The following STAT1 variants were observed in gnomAD, a reference collection of about 807,000 sequenced individuals.
STAT1 encodes signal transducer and activator of transcription 1.
STAT1 carries 24 observed loss-of-function variants against 111.7 expected under a neutral mutation model. That is an observed-to-expected ratio of 0.21 (90% CI 0.16 to 0.30). STAT1 has a LOEUF of 0.30. Among genes scored for constraint, STAT1 ranks in the 10% least tolerant of loss-of-function variants. The pLI is 1.00. For synonymous variants in STAT1, 332 were observed against 326.5 expected, an observed-to-expected ratio of 1.02 and a Z score of -0.18; for missense variants, 351 against 911.9, an observed-to-expected ratio of 0.38 and a Z score of 7.92.
rs763453358 is a variant in STAT1, at chr2:190,989,694, C to G, written c.1038-20G>C. 1 of 1,570,720 alleles carries G rather than the reference C, an allele frequency of 6.4e-7. No homozygotes were observed. The highest frequency in any genetic ancestry group is 1.4e-5 in the African/African-American group (1 of 73,496). ...AACAGTCTGGAAAGAAAAATAAAAG[C>G]CATTACTTAAAAAAAATTATCTGTT... On this transcript the variant is annotated intron_variant, in intron 11 of 24. Coordinates refer to ENST00000361099, the MANE Select transcript of STAT1 (RefSeq NM_007315.4). The surrounding 1 kb of genome is among the most constrained non-coding windows in gnomAD (Gnocchi z 5.0).
rs1423501499 is a variant in STAT1 at position 190,984,342 on chromosome 2, A to G, written c.1315T>C (p.Leu439=). The change falls in exon 16 of 25, where the codon TTG becomes CTG. Residue 439 remains leucine (L), a synonymous_variant. Transcript: ENST00000361099. This position sits in a 1 kb window ranked among gnomAD's most constrained non-coding sequence, Gnocchi z 5.2. ...TCAATTACCAAACCAGGCTGGCACA[A>G]TTGGGTTTCAAAACTAAGGGAGTGA... ...ELHSLSFETQ[L]CQPGLVIDLE... The G allele has an allele frequency of 6.2e-7, 1 of 1,614,038 alleles. No individual in the cohort carries two copies. The highest frequency in any genetic ancestry group is 8.5e-7 in the Non-Finnish European group (1 of 1,179,998).
At position 190,974,781 on chromosome 2, in the gene STAT1, A is replaced by G; in HGVS notation, c.2238+49T>C. 1 of 1,522,818 alleles carries G rather than the reference A, an allele frequency of 6.6e-7. No individual in the cohort carries two copies. Among genetic ancestry groups the G allele is most frequent in the East Asian group, 2.3e-5 (1 of 44,444 alleles). 94.3% of individuals were successfully genotyped at this position (1,522,818 alleles called of 1,614,324 possible). On this transcript the variant is annotated intron_variant, in intron 24 of 24. Transcript: ENST00000361099. This position sits in a 1 kb window ranked among gnomAD's most constrained non-coding sequence, Gnocchi z 4.8. ...TGCCATGGTGCGCTCCCTGCCTCTG[A>G]GCACACACACTTATTGAGAGCTACA...
At chr2:191,013,173 A>G (rs1695273581) in intron 2 of STAT1, among the ~76,000 whole-genome samples, 1 of 152,260 alleles carries the variant, frequency 6.6e-6, no homozygotes, top group South Asian at 2.1e-4. Context: ...AAAGCAAACC[A>G]TATTATGATC....
rs2125006029 is a variant in STAT1 at position 190,978,611 on chromosome 2, T to C, written c.1873+245A>G. 1.8e-6 allele frequency: 1 copy of C among 565,790 alleles called. No individual in the cohort carries two copies. The highest frequency in any genetic ancestry group is 3.2e-6 in the Non-Finnish European group (1 of 313,064). The allele number at this position is 565,790 out of a possible 1,614,324, so 35.0% of individuals were successfully genotyped here. A position where few individuals can be genotyped will look rare whatever the true frequency, so the allele number is the denominator to read the frequency against. On this transcript the variant is annotated intron_variant, in intron 21 of 24. Coordinates refer to ENST00000361099, the MANE Select transcript of STAT1 (RefSeq NM_007315.4). This position sits in a 1 kb window ranked among gnomAD's most constrained non-coding sequence, Gnocchi z 6.1. ...CTTGATCTGCAGATAACAAACCTGA[T>C]GCAAAGGAAAGAATTGGCATTGTCT... is the stretch of plus-strand genomic sequence containing the variant.
rs779135396 is a variant in STAT1 at position 190,997,830 on chromosome 2, C to G, written c.785+26G>C. On this transcript the variant is annotated intron_variant, in intron 9 of 24. Transcript: ENST00000361099. The surrounding 1 kb of genome is among the most constrained non-coding windows in gnomAD (Gnocchi z 7.3). ...TTTATGTGGTTAGCCAGTCAGCTGC[C>G]AGTTTTCTGCTTTGGAGAATCTTAC... The G allele has an allele frequency of 7.2e-5, 116 of 1,613,892 alleles. No individual in the cohort carries two copies. The highest frequency in any genetic ancestry group is 9.2e-5 in the Non-Finnish European group (108 of 1,180,034).
At position 190,979,792 on chromosome 2, in the gene STAT1, C is replaced by T. The variant is rs199668489; in HGVS notation, c.1707G>A (p.Leu569=). 7.7e-5 allele frequency: 125 copies of T among 1,613,518 alleles called. 2 individuals carry two copies. In the East Asian group the frequency reaches 2.6e-3, roughly 34 times the overall value. Residue 569 remains leucine, a synonymous_variant, in exon 20 of 25, where the codon CTG becomes CTA. Transcript: ENST00000361099. This position sits in a 1 kb window ranked among gnomAD's most constrained non-coding sequence, Gnocchi z 5.8. ...ESILELIKKH[L]LPLWNDGCIM... The stretch of plus-strand genomic sequence containing the variant: ...CTTACCCATCATTCCAGAGAGGGAG[C>T]AGGTGTTTTTTAATGAGTTCTAGGA...
chr2:190,998,649 G>A lies in STAT1; in HGVS notation c.542-341C>T, dbSNP rs566670109. Among the ~76,000 whole-genome samples, 4 of 148,560 alleles carry A rather than the reference G, an allele frequency of 2.7e-5. No individual in the cohort carries two copies. The highest frequency in any genetic ancestry group is 5.0e-5 in the African/African-American group (2 of 40,312). On this transcript the variant is annotated intron_variant, in intron 7 of 24. Transcript: ENST00000361099. The surrounding 1 kb of genome is among the most constrained non-coding windows in gnomAD (Gnocchi z 4.1). ...TGCACTCTAGCCTGGGCGACAGAGC[G>A]AGACTCCGTCTCCAAAAAAAAACAA... is the stretch of plus-strand genomic sequence containing the variant.
intron 2 of STAT1, among the ~76,000 whole-genome samples, chr2:191,011,924 A>T (rs756985882): frequency 1.3e-5 from 2 of 151,656 alleles, no homozygotes; most frequent in Non-Finnish European, 2.9e-5. Flanking sequence ...CTAATTTTTA[A>T]ATTTTCTGTA....
chr2:190,999,092 G>A lies in STAT1; in HGVS notation c.541+534C>T, dbSNP rs1047268136. 2.0e-5 allele frequency among the ~76,000 whole-genome samples: 3 copies of A among 152,058 alleles called. No homozygotes were observed. The highest frequency in any genetic ancestry group is 6.6e-5 in the Admixed American group (1 of 15,260). ...CTGTTGCTACTCTCATTAAAAACAC[G>A]CAACAGTAAGAAAATACAGTAAAAC... On this transcript the variant is annotated intron_variant, in intron 7 of 24. Transcript: ENST00000361099. This position sits in a 1 kb window ranked among gnomAD's most constrained non-coding sequence, Gnocchi z 4.1.
chr2:190,997,721 G>T lies in STAT1; in HGVS notation c.785+135C>A. 7.4e-7 allele frequency: 1 copy of T among 1,352,940 alleles called. No homozygotes were observed. Among genetic ancestry groups the T allele is most frequent in the Non-Finnish European group, 1.0e-6 (1 of 969,630 alleles). 83.8% of individuals were successfully genotyped at this position (1,352,940 alleles called of 1,614,324 possible). A position where few individuals can be genotyped will look rare whatever the true frequency, so the allele number is the denominator to read the frequency against. On this transcript the variant is annotated intron_variant, in intron 9 of 24. Transcript: ENST00000361099. This position sits in a 1 kb window ranked among gnomAD's most constrained non-coding sequence, Gnocchi z 7.3. Reference sequence around the variant, plus strand: ...TTCCAAGGGAGTGTTTCCAGGGTAAGCAGAAGCTGGACTATGTCAAACTCT... The same window carrying T: ...TTCCAAGGGAGTGTTTCCAGGGTAATCAGAAGCTGGACTATGTCAAACTCT...
Position 191,007,447 on chromosome 2 carries a change from G to T in STAT1, c.372+116C>A. 1 of 771,568 alleles carries T rather than the reference G, an allele frequency of 1.3e-6. No homozygotes were observed. 47.8% of individuals were successfully genotyped at this position (771,568 alleles called of 1,614,324 possible). ...CTAAATCTGATTCTCCCACTTCTTG[G>T]GGCTATAAAATTAGAGAGATATTCA... On this transcript the variant is annotated intron_variant, in intron 5 of 24. Transcript: ENST00000361099. This position sits in a 1 kb window ranked among gnomAD's most constrained non-coding sequence, Gnocchi z 4.2.
chr2:190,977,110 G>T lies in STAT1; in HGVS notation c.1874-85C>A. On this transcript the variant is annotated intron_variant, in intron 21 of 24. Coordinates refer to ENST00000361099, the MANE Select transcript of STAT1 (RefSeq NM_007315.4). This position sits in a 1 kb window ranked among gnomAD's most constrained non-coding sequence, Gnocchi z 4.7. ...GAAATAAAACACTGCAGAGTTGATGGATTTGAGTGAACCTCATAAGAACTA... is the reference window on the plus strand; with the variant it reads ...GAAATAAAACACTGCAGAGTTGATGTATTTGAGTGAACCTCATAAGAACTA... 2 of 1,342,154 alleles carry T rather than the reference G, an allele frequency of 1.5e-6. No individual in the cohort carries two copies. Among genetic ancestry groups the T allele is most frequent in the Non-Finnish European group, 2.1e-6 (2 of 937,772 alleles). 83.1% of individuals were successfully genotyped at this position (1,342,154 alleles called of 1,614,324 possible).
rs2125001398 is a variant in STAT1, at chr2:190,977,179, T to G, written c.1874-154A>C. Among the ~76,000 whole-genome samples, 1 of 152,350 alleles carries G rather than the reference T, an allele frequency of 6.6e-6. No individual in the cohort carries two copies. The highest frequency in any genetic ancestry group is 2.1e-4 in the South Asian group (1 of 4,832). On this transcript the variant is annotated intron_variant, in intron 21 of 24. Coordinates refer to ENST00000361099, the MANE Select transcript of STAT1 (RefSeq NM_007315.4). The surrounding 1 kb of genome is among the most constrained non-coding windows in gnomAD (Gnocchi z 4.7). ...TAACATATACAGTAGACTGCTTTAT[T>G]TCTAAATAAATTATAATACTGTCTC...
intron 24 of STAT1, among the ~76,000 whole-genome samples, chr2:190,972,718 T>C (rs1011153747): frequency 1.3e-5 from 2 of 151,556 alleles, no homozygotes; most frequent in Non-Finnish European, 2.9e-5. Context: ...TTATGAACTC[T>C]TTTTCTTTTC....
rs184094811 is a variant in STAT1, at chr2:191,007,993, A to G, written c.274-332T>C. 1.1e-5 allele frequency: 5 copies of G among 469,522 alleles called. No homozygotes were observed. In the Admixed American group the frequency reaches 1.2e-4, roughly 11 times the overall value. 29.1% of individuals were successfully genotyped at this position (469,522 alleles called of 1,614,324 possible). On this transcript the variant is annotated intron_variant, in intron 4 of 24. Coordinates refer to ENST00000361099, the MANE Select transcript of STAT1 (RefSeq NM_007315.4). This position sits in a 1 kb window ranked among gnomAD's most constrained non-coding sequence, Gnocchi z 4.2. ...TGGTTAGGATCCCGAGACAATGCAA[A>G]TGATATAAAAACTATACATGACATT...
At position 190,995,327 on chromosome 2, in the gene STAT1, A is replaced by G. The variant is rs41364950; in HGVS notation, c.786-108T>C. On this transcript the variant is annotated intron_variant, in intron 9 of 24. Coordinates refer to ENST00000361099, the MANE Select transcript of STAT1 (RefSeq NM_007315.4). The surrounding 1 kb of genome is among the most constrained non-coding windows in gnomAD (Gnocchi z 4.2). ...CCATTCTCATGCTGCTAATAAAGAC[A>G]TACTCGAGACTGGAGAATTTATAAA... 1,061 of 1,130,212 alleles carry G rather than the reference A, an allele frequency of 9.4e-4. 14 individuals are homozygous for G. In the African/African-American group the frequency reaches 0.014, roughly 15 times the overall value. The allele number at this position is 1,130,212 out of a possible 1,614,324, so 70.0% of individuals were successfully genotyped here. A position where few individuals can be genotyped will look rare whatever the true frequency, so the allele number is the denominator to read the frequency against.
In STAT1 at chr2:190,997,428, C is replaced by T. The variant is rs1013418180; in HGVS notation, c.785+428G>A. On this transcript the variant is annotated intron_variant, in intron 9 of 24. Transcript: ENST00000361099. The surrounding 1 kb of genome is among the most constrained non-coding windows in gnomAD (Gnocchi z 7.3). ...ATCACTCATCCTTGTGTGCCCAGGT[C>T]CTACAGTGCCCGGCACACAGTAGGC... Among the ~76,000 whole-genome samples the T allele has an allele frequency of 5.9e-5, 9 of 152,324 alleles. No homozygotes were observed. The East Asian group carries it at 1.4e-3, about 23-fold the overall frequency.
In STAT1 at chr2:191,000,154, A is replaced by C. The variant is rs954384250; in HGVS notation, c.463-450T>G. 6.6e-6 allele frequency among the ~76,000 whole-genome samples: 1 copy of C among 152,216 alleles called. No individual in the cohort carries two copies. The highest frequency in any genetic ancestry group is 1.5e-5 in the Non-Finnish European group (1 of 68,032). On this transcript the variant is annotated intron_variant, in intron 6 of 24. Transcript: ENST00000361099. The surrounding 1 kb of genome is among the most constrained non-coding windows in gnomAD (Gnocchi z 4.8). Reference sequence around the variant, plus strand: ...CTGGTTTCATACTTGCTGTAATTATAAACAGTGCCCTCTTGGCGGCTCAAA... The same window carrying C: ...CTGGTTTCATACTTGCTGTAATTATCAACAGTGCCCTCTTGGCGGCTCAAA...
chr2:190,974,982 G>T lies in STAT1; in HGVS notation c.2136-50C>A. 1 of 1,304,710 alleles carries T rather than the reference G, an allele frequency of 7.7e-7. No homozygotes were observed. The highest frequency in any genetic ancestry group is 1.1e-6 in the Non-Finnish European group (1 of 902,194). 80.8% of individuals were successfully genotyped at this position (1,304,710 alleles called of 1,614,324 possible). ...CAATGTCAACATCTGAGTGATGAAA[G>T]CACTAGTGCATACTTACACACTTTA... is the stretch of plus-strand genomic sequence containing the variant. On this transcript the variant is annotated intron_variant, in intron 23 of 24. Transcript: ENST00000361099. The surrounding 1 kb of genome is among the most constrained non-coding windows in gnomAD (Gnocchi z 4.8).
Sources: allele counts gnomAD v4.1 joint callset (sites outside exome capture counted in the v4.1 genomes callset), GRCh38; gene constraint gnomAD v4.1.1; non-coding constraint Gnocchi (gnomAD v3.1); transcripts MANE v1.5; gene names NCBI Gene and HGNC (gene_info 2026-07-23, HGNC 2026-07-21).